The following GPRC5A variants were observed in gnomAD, a reference collection of about 807,000 sequenced individuals.
The protein encoded by GPRC5A is G protein-coupled receptor class C group 5 member A, also known as retinoic acid-induced protein 3.
In GPRC5A, 19 loss-of-function variants were observed where a neutral mutation model predicts 22.5. The ratio of observed to expected loss-of-function variants is 0.85; its 90% confidence interval spans 0.59 to 1.24. GPRC5A has a LOEUF of 1.24. GPRC5A is among the 50% of genes most tolerant of loss of function. GPRC5A has a pLI of 0.00. For missense variants in GPRC5A, 471 were observed against 451.1 expected, an observed-to-expected ratio of 1.04 and a Z score of -0.40; for synonymous variants, 192 against 184.5, an observed-to-expected ratio of 1.04 and a Z score of -0.33.
chr12:12,899,159 G>A (rs527771976), intron 1 of GPRC5A, among the ~76,000 whole-genome samples: 4 of 152,184 alleles, frequency 2.6e-5, no homozygotes, highest in East Asian at 1.9e-4. Flanking sequence ...CTCCGAGTAG[G>A]GGGATCACAG....
Position 12,909,521 on chromosome 12 carries a change from G to A in GPRC5A, c.922+350G>A, listed in dbSNP as rs571851340. The A allele has an allele frequency of 2.1e-4, 41 of 197,304 alleles. No individual in the cohort carries two copies. In the South Asian group the frequency reaches 4.6e-3, roughly 22 times the overall value. 12.2% of individuals were successfully genotyped at this position (197,304 alleles called of 1,614,324 possible). A position where few individuals can be genotyped will look rare whatever the true frequency, so the allele number is the denominator to read the frequency against. ...AGCAAAGACATGGAAAAAGGATAAC[G>A]AGACAAATTCCCAGCAATAAGTAGA... On this transcript the variant is annotated intron_variant, in intron 2 of 3. Transcript: ENST00000014914.
chr12:12,900,817 G>GAGAT, intron 1 of GPRC5A, among the ~76,000 whole-genome samples: 1 of 141,142 alleles, frequency 7.1e-6, no homozygotes, highest in East Asian at 2.3e-4. Flanking sequence ...TTGAACCTGG[G>GAGAT]AGATGGTGGT....
intron 1 of GPRC5A, among the ~76,000 whole-genome samples, chr12:12,905,147 A>C (rs890509127): frequency 6.6e-6 from 1 of 152,144 alleles, no homozygotes; most frequent in African/African-American, 2.4e-5. Flanking sequence ...GGCCTCCCAA[A>C]GTGCTGGAAT....
rs929235730 is a variant in GPRC5A at position 12,903,347 on chromosome 12, C to T, written c.-7-4896C>T. Among the ~76,000 whole-genome samples, 4 of 152,144 alleles carry T rather than the reference C, an allele frequency of 2.6e-5. No homozygotes were observed. The East Asian group carries it at 7.7e-4, about 29-fold the overall frequency. On this transcript the variant is annotated intron_variant, in intron 1 of 3. Coordinates refer to ENST00000014914, the MANE Select transcript of GPRC5A (RefSeq NM_003979.4). ...CCAGGCAGAATTGCGGTGACGTGAT[C>T]ACAGCTCACTGCAGCTTCGAAATCC... is the stretch of plus-strand genomic sequence containing the variant.
At chr12:12,895,916 C>G (rs1476527730) in intron 1 of GPRC5A, among the ~76,000 whole-genome samples, 1 of 146,496 alleles carries the variant, frequency 6.8e-6, no homozygotes, top group Non-Finnish European at 1.5e-5. Flanking sequence ...TGGTGTGAAC[C>G]CAGGAGGTGG....
intron 1 of GPRC5A, among the ~76,000 whole-genome samples, chr12:12,903,399 G>A (rs1197595194): frequency 1.3e-5 from 2 of 152,104 alleles, no homozygotes; most frequent in East Asian, 3.9e-4. Flanking sequence ...TCCTATCTAA[G>A]TCTCTCGAGT....
At chr12:12,907,009 G>C (rs539592231) in intron 1 of GPRC5A, among the ~76,000 whole-genome samples, 208 of 151,516 alleles carry the variant, frequency 1.4e-3, no homozygotes, top group African/African-American at 4.6e-3. Flanking sequence ...AGCCAAGATT[G>C]TGCCATTGCA....
At position 12,912,071 on chromosome 12, in the gene GPRC5A, T is replaced by G. The variant is rs1267584417; in HGVS notation, c.923-13T>G. 20 of 1,601,626 alleles carry G rather than the reference T, an allele frequency of 1.2e-5. No homozygotes were observed. Among genetic ancestry groups the G allele is most frequent in the Non-Finnish European group, 1.5e-5 (18 of 1,168,938 alleles). On this transcript the variant is annotated splice_polypyrimidine_tract_variant and intron_variant, in intron 2 of 3. Transcript: ENST00000014914. ...GCCCCAGTGGTTTAATTTCTCCTGT[T>G]CCTCCATTTCAGGTTTTGAAGAGAC...
rs754495155 is a variant in GPRC5A at position 12,912,116 on chromosome 12, C to T, written c.955C>T (p.Pro319Ser). The T allele has an allele frequency of 1.1e-5, 18 of 1,613,070 alleles. No homozygotes were observed. Among genetic ancestry groups the T allele is most frequent in the Middle Eastern group, 1.7e-4 (1 of 6,060 alleles). The stretch of plus-strand genomic sequence containing the variant: ...AGAGACAGGGGACACGCTCTATGCC[C>T]CCTATTCCACACATTTTCAGCTGCA... ...FEETGDTLYA[P>S]YSTHFQLQNQ... is the part of the protein sequence containing the mutation. The change falls in exon 3 of 4, where the codon CCC becomes TCC. Residue 319 changes from proline to serine, a missense_variant. Transcript: ENST00000014914.
At chr12:12,911,606 A>G (rs1864005723) in intron 2 of GPRC5A, among the ~76,000 whole-genome samples, 1 of 151,378 alleles carries the variant, frequency 6.6e-6, no homozygotes, top group Admixed American at 6.6e-5. Flanking sequence ...CTCCTGCCTC[A>G]GCCTCCCGAG....
At chr12:12,909,379 G>A in intron 2 of GPRC5A, 1 of 537,300 alleles carries the variant, frequency 1.9e-6, no homozygotes, top group South Asian at 2.9e-5. Context: ...AGTCTTTATT[G>A]AGTACTTTGT....
chr12:12,900,527 T>C (rs898407074), intron 1 of GPRC5A, among the ~76,000 whole-genome samples: 5 of 152,144 alleles, frequency 3.3e-5, no homozygotes, highest in Admixed American at 6.5e-5. Context: ...GACTTCGCCC[T>C]CCTCTTCCTT....
intron 1 of GPRC5A, among the ~76,000 whole-genome samples, chr12:12,892,782 C>T (rs1364911570): frequency 1.3e-5 from 2 of 152,190 alleles, no homozygotes; most frequent in Admixed American, 1.3e-4. Flanking sequence ...ATTGTCTCCT[C>T]AGAGGCTTGT....
rs1223741618 is a variant in GPRC5A at position 12,912,070 on chromosome 12, TTCC to T, written c.923-10_923-8del. 3 of 1,601,202 alleles carry T rather than the reference TTCC, an allele frequency of 1.9e-6. No individual in the cohort carries two copies. The highest frequency in any genetic ancestry group is 2.6e-6 in the Non-Finnish European group (3 of 1,168,432). Reference sequence around the variant, plus strand: ...GGCCCCAGTGGTTTAATTTCTCCTGTTCCTCCATTTCAGGTTTTGAAGAGACAG... The same window carrying T: ...GGCCCCAGTGGTTTAATTTCTCCTGTTCCATTTCAGGTTTTGAAGAGACAG... On this transcript the variant is annotated splice_polypyrimidine_tract_variant and intron_variant, in intron 2 of 3. Coordinates refer to ENST00000014914, the MANE Select transcript of GPRC5A (RefSeq NM_003979.4).
intron 1 of GPRC5A, among the ~76,000 whole-genome samples, chr12:12,901,154 G>A (rs907190409): frequency 2.6e-5 from 4 of 152,090 alleles, no homozygotes; most frequent in Non-Finnish European, 5.9e-5. Context: ...AAGGCCAGAG[G>A]CTACTCATGC....
intron 1 of GPRC5A, among the ~76,000 whole-genome samples, chr12:12,905,592 T>C (rs1203342007): frequency 6.6e-6 from 1 of 152,234 alleles, no homozygotes; most frequent in Non-Finnish European, 1.5e-5. Flanking sequence ...CTAGCCTTGT[T>C]GAATCTCAAC....
chr12:12,907,204 T>C (rs1354730020), intron 1 of GPRC5A, among the ~76,000 whole-genome samples: 3 of 151,364 alleles, frequency 2.0e-5, no homozygotes, highest in Admixed American at 6.6e-5. Flanking sequence ...GAGACCATCA[T>C]GGGTAACACG....
chr12:12,912,807 A>G lies in GPRC5A; in HGVS notation c.*268A>G. 1 of 434,352 alleles carries G rather than the reference A, an allele frequency of 2.3e-6. No individual in the cohort carries two copies. Among genetic ancestry groups the G allele is most frequent in the Non-Finnish European group, 4.1e-6 (1 of 246,234 alleles). 26.9% of individuals were successfully genotyped at this position (434,352 alleles called of 1,614,324 possible). A position where few individuals can be genotyped will look rare whatever the true frequency, so the allele number is the denominator to read the frequency against. Reference sequence around the variant, plus strand: ...TTAAGTGGGAGTCTCAGGCAACTCAAGTTTAGACCCTTACTCTTTTTGTTT... The same window carrying G: ...TTAAGTGGGAGTCTCAGGCAACTCAGGTTTAGACCCTTACTCTTTTTGTTT... On this transcript the variant is annotated 3_prime_UTR_variant, in exon 4 of 4. Coordinates refer to ENST00000014914, the MANE Select transcript of GPRC5A (RefSeq NM_003979.4).
chr12:12,910,397 T>C (rs996125485), intron 2 of GPRC5A, among the ~76,000 whole-genome samples: 1 of 152,162 alleles, frequency 6.6e-6, no homozygotes, highest in Non-Finnish European at 1.5e-5. Context: ...CATTCACTGA[T>C]GAGTCTTCCT....
Sources: allele counts gnomAD v4.1 joint callset (sites outside exome capture counted in the v4.1 genomes callset), GRCh38; gene constraint gnomAD v4.1.1; transcripts MANE v1.5; gene names NCBI Gene and HGNC (gene_info 2026-07-23, HGNC 2026-07-21).